The following PKHD1L1 variants were observed in gnomAD, a reference collection of about 807,000 sequenced individuals.
PKHD1L1 encodes the protein PKHD1 like 1.
In PKHD1L1, 434 loss-of-function variants were observed where a neutral mutation model predicts 462.9. The ratio of observed to expected loss-of-function variants is 0.94; its 90% CI spans 0.87 to 1.02. PKHD1L1 has a LOEUF of 1.02. PKHD1L1 is among the 50% of genes least tolerant of loss of function. The probability of loss-of-function intolerance (pLI) is 0.00; values close to 1 mark genes in which losing one functional copy is unlikely to be tolerated. For synonymous variants in PKHD1L1, 1,781 were observed against 1,750.0 expected (o/e 1.02, Z -0.44); for missense variants, 5,202 against 5,096.1 (o/e 1.02, Z -0.63).
In PKHD1L1 at chr8:109,405,038, A is replaced by G. The variant is rs961138992; in HGVS notation, c.1577A>G (p.Glu526Gly). 5 of 1,531,330 alleles carry G rather than the reference A, an allele frequency of 3.3e-6. No homozygotes were observed. The African/African-American group carries it at 6.9e-5, about 21-fold the overall frequency. 94.9% of individuals were successfully genotyped at this position (1,531,330 alleles called of 1,614,324 possible). The part of the protein sequence containing the change: ...ENWETTNAIN[E>G]VQKIKVTSPC... ...TGGGAAACAACTAATGCAATTAATGAGGTTCAGAAGATCAAGGTAACCAGC... is the reference window on the plus strand; with the variant it reads ...TGGGAAACAACTAATGCAATTAATGGGGTTCAGAAGATCAAGGTAACCAGC... Residue 526 changes from glutamate (E) to glycine (G), a missense_variant, in exon 16 of 78, where the codon GAG (glutamate) becomes GGG (glycine). This residue lies in a region of PKHD1L1 where 4,497 missense variants were observed against 4,336.8 expected (regional missense o/e 1.04). Transcript: ENST00000378402.
chr8:109,503,389 C>T (rs1001501324), intron 67 of PKHD1L1, among the ~76,000 whole-genome samples: 2 of 152,082 alleles, frequency 1.3e-5, no homozygotes, highest in African/African-American at 4.8e-5. Context: ...GGGTTGGGTG[C>T]ACTGGCCCAG....
At chr8:109,460,275 C>A (rs1311257548) in intron 47 of PKHD1L1, among the ~76,000 whole-genome samples, 2 of 152,090 alleles carry the variant, frequency 1.3e-5, no homozygotes, top group African/African-American at 4.8e-5. Flanking sequence ...TACAAAGATT[C>A]TGTTTAGCAA....
In PKHD1L1 at chr8:109,477,316, C is replaced by T; in HGVS notation, c.9009C>T (p.Tyr3003=). The part of the protein sequence containing the change: ...VKDVVINFQA[Y]CCILQDCFPV... ...ACGTTGTTATTAATTTCCAAGCTTA[C>T]TGTTGTATTCTCCAGGATTGCTTTC... is the stretch of plus-strand genomic sequence containing the variant. Residue 3003 remains tyrosine, a synonymous_variant, in exon 53 of 78, where the codon TAC becomes TAT. Transcript: ENST00000378402. 6.2e-7 allele frequency: 1 copy of T among 1,613,544 alleles called. No individual in the cohort carries two copies. The highest frequency in any genetic ancestry group is 8.5e-7 in the Non-Finnish European group (1 of 1,179,668).
intron 43 of PKHD1L1, 110 bp from the exon 44 acceptor site, chr8:109,454,057 T>C (rs1316507817): frequency 3.3e-6 from 2 of 603,292 alleles, no homozygotes; most frequent in Admixed American, 3.4e-5. Flanking sequence ...AATTAAATTT[T>C]AATTTAATGT....
At chr8:109,390,385 T>C (rs1461673195) in intron 8 of PKHD1L1, 67 bp from the exon 9 acceptor site, 32 of 860,422 alleles carry the variant, frequency 3.7e-5, no homozygotes, top group Non-Finnish European at 5.0e-5. Flanking sequence ...ATCAGCTTTA[T>C]AATATAGAGT....
At position 109,438,482 on chromosome 8, in the gene PKHD1L1, T is replaced by C. The variant is rs1425424765; in HGVS notation, c.3760+26T>C. ...GTAAGAAATTCTTCAATAAGATTGG[T>C]CATTTGTCCTATGTATAAAAAACAT... is the stretch of plus-strand genomic sequence containing the variant. On this transcript the variant is annotated intron_variant, in intron 31 of 77. Coordinates refer to ENST00000378402, the MANE Select transcript of PKHD1L1 (RefSeq NM_177531.6). The C allele has an allele frequency of 2.6e-6, 4 of 1,519,532 alleles. No homozygotes were observed. In the African/African-American group the frequency reaches 5.6e-5, roughly 21 times the overall value. The allele number at this position is 1,519,532 out of a possible 1,614,324, so 94.1% of individuals were successfully genotyped here. A position where few individuals can be genotyped will look rare whatever the true frequency, so the allele number is the denominator to read the frequency against.
chr8:109,464,614 G>A lies in PKHD1L1; in HGVS notation c.7782G>A (p.Gly2594=). Residue 2594 remains glycine, a synonymous_variant, in exon 49 of 78, where the codon GGG becomes GGA. Coordinates refer to ENST00000378402, the MANE Select transcript of PKHD1L1 (RefSeq NM_177531.6). ...ACCGGATGAACAACCACCCTGATGG[G>A]CCATCCTATGACAGAAACATTTGTC... ...FWYRMNNHPD[G]PSYDRNICQK... 2 of 1,612,432 alleles carry A rather than the reference G, an allele frequency of 1.2e-6. No individual in the cohort carries two copies. The highest frequency in any genetic ancestry group is 1.7e-6 in the Non-Finnish European group (2 of 1,179,786).
In PKHD1L1 at chr8:109,452,853, T is replaced by C; in HGVS notation, c.6643T>C (p.Leu2215=). The C allele has an allele frequency of 6.8e-7, 1 of 1,480,922 alleles. No homozygotes were observed. 91.7% of individuals were successfully genotyped at this position (1,480,922 alleles called of 1,614,324 possible). A position where few individuals can be genotyped will look rare whatever the true frequency, so the allele number is the denominator to read the frequency against. ...TILLDQSTPI[L]KMLLIQGGTL... The stretch of plus-strand genomic sequence containing the variant: ...TCTGCTGGATCAAAGCACCCCTATT[T>C]TGAAAATGTTGCTTATTCAGGGTAA... Residue 2215 remains leucine, a synonymous_variant, in exon 43 of 78, where the codon TTG becomes CTG. Coordinates refer to ENST00000378402, the MANE Select transcript of PKHD1L1 (RefSeq NM_177531.6).
At chr8:109,388,977 C>T (rs1812572763) in intron 7 of PKHD1L1, 102 bp from the exon 8 acceptor site, 6 of 775,374 alleles carry the variant, frequency 7.7e-6, no homozygotes, top group Admixed American at 3.2e-5. Flanking sequence ...AATTTCTGTC[C>T]TGATTCATAT....
Position 109,401,558 on chromosome 8 carries a change from C to T in PKHD1L1, c.1343C>T (p.Ser448Leu). Reference protein sequence around the residue: ...NSYFSSPTQRSDDIHLQKGKE... With the variant: ...NSYFSSPTQRLDDIHLQKGKE... ...TATTTTTCCAGTCCAACACAAAGATCAGATGATATTCATCTGCAGAAAGGA... is the reference window on the plus strand; with the variant it reads ...TATTTTTCCAGTCCAACACAAAGATTAGATGATATTCATCTGCAGAAAGGA... The change falls in exon 14 of 78, where the codon TCA (serine) becomes TTA (leucine). Residue 448 changes from serine (S) to leucine (L), a missense_variant. Physicochemically the swap from Ser to Leu is moderately radical, Grantham distance 145 (BLOSUM62 -2). This residue lies in a region of PKHD1L1 where 4,497 missense variants were observed against 4,336.8 expected (regional missense o/e 1.04). Coordinates refer to ENST00000378402, the MANE Select transcript of PKHD1L1 (RefSeq NM_177531.6). 1 of 1,589,254 alleles carries T rather than the reference C, an allele frequency of 6.3e-7. No homozygotes were observed. The highest frequency in any genetic ancestry group is 8.6e-7 in the Non-Finnish European group (1 of 1,159,470).
chr8:109,368,771 C>T (rs905509653), intron 2 of PKHD1L1, among the ~76,000 whole-genome samples: 5 of 152,130 alleles, frequency 3.3e-5, no homozygotes, highest in Non-Finnish European at 7.4e-5. Flanking sequence ...TGGATTGCTG[C>T]TATCAGGAGA....
intron 50 of PKHD1L1, among the ~76,000 whole-genome samples, chr8:109,473,599 A>G (rs1307643623): frequency 6.6e-6 from 1 of 152,070 alleles, no homozygotes; most frequent in Non-Finnish European, 1.5e-5. Flanking sequence ...CAAATCCAGG[A>G]GCAAATTCTA....
intron 71 of PKHD1L1, 57 bp downstream of exon 71, chr8:109,510,991 C>T: frequency 6.4e-7 from 1 of 1,557,412 alleles, no homozygotes; most frequent in Non-Finnish European, 8.8e-7. Context: ...TTATTTCTAT[C>T]TGCTAAGGCT....
chr8:109,407,749 A>G (rs1235112293), intron 17 of PKHD1L1, among the ~76,000 whole-genome samples: 2 of 152,148 alleles, frequency 1.3e-5, no homozygotes, highest in Non-Finnish European at 2.9e-5. Flanking sequence ...CTACTCATTG[A>G]TCTTTATTCA....
chr8:109,382,424 G>C (rs749438882), intron 3 of PKHD1L1, 39 bp from the exon 4 acceptor site: 1 of 1,506,156 alleles, frequency 6.6e-7, no homozygotes, highest in South Asian at 1.2e-5. Flanking sequence ...AAATAAGAGA[G>C]GAATTGCATG....
chr8:109,436,226 C>T lies in PKHD1L1; in HGVS notation c.3506-112C>T, dbSNP rs1398795730. 4 of 1,125,926 alleles carry T rather than the reference C, an allele frequency of 3.6e-6. No individual in the cohort carries two copies. In the African/African-American group the frequency reaches 6.3e-5, roughly 18 times the overall value. 69.7% of individuals were successfully genotyped at this position (1,125,926 alleles called of 1,614,324 possible). A position where few individuals can be genotyped will look rare whatever the true frequency, so the allele number is the denominator to read the frequency against. Reference sequence around the variant, plus strand: ...CCTTGATCTATTGGCCAGTACATCTCTTGGATCATTAGACTATTCTCAAAA... The same window carrying T: ...CCTTGATCTATTGGCCAGTACATCTTTTGGATCATTAGACTATTCTCAAAA... On this transcript the variant is annotated intron_variant, in intron 29 of 77. Coordinates refer to ENST00000378402, the MANE Select transcript of PKHD1L1 (RefSeq NM_177531.6).
chr8:109,453,713 A>G (rs769195330), intron 43 of PKHD1L1, among the ~76,000 whole-genome samples: 6 of 152,236 alleles, frequency 3.9e-5, no homozygotes, highest in Non-Finnish European at 8.8e-5. Flanking sequence ...TAATAATGCT[A>G]ATCAGGCTAT....
chr8:109,411,691 C>T (rs1350911522), intron 19 of PKHD1L1, among the ~76,000 whole-genome samples: 2 of 152,096 alleles, frequency 1.3e-5, no homozygotes, highest in Non-Finnish European at 2.9e-5. Context: ...CTCTGAAGCC[C>T]CTACTTTCTT....
rs532255104 is a variant in PKHD1L1 at position 109,534,137 on chromosome 8, A to G, written c.*4047A>G. Among the ~76,000 whole-genome samples the G allele has an allele frequency of 1.1e-3, 162 of 152,376 alleles. 1 individual carries two copies. Among genetic ancestry groups the G allele is most frequent in the African/African-American group, 3.8e-3 (157 of 41,592 alleles). On this transcript the variant is annotated 3_prime_UTR_variant, in exon 78 of 78. Transcript: ENST00000378402. The stretch of plus-strand genomic sequence containing the variant: ...AAAATACCACATGCATCTTTGAGTT[A>G]CTACTATACCCTCCCGAATGGAAAT...
Sources: allele counts gnomAD v4.1 joint callset (sites outside exome capture counted in the v4.1 genomes callset), GRCh38; gene constraint gnomAD v4.1.1; regional missense constraint gnomAD v4.1.1; transcripts MANE v1.5; gene names NCBI Gene and HGNC (gene_info 2026-07-23, HGNC 2026-07-21).